EPN2: variants seen among roughly 807,000 people sequenced by gnomAD.
The protein encoded by EPN2 is epsin 2.
In EPN2, 34 loss-of-function variants were observed where a neutral mutation model predicts 61.7. The ratio of observed to expected loss-of-function variants is 0.55; its 90% CI spans 0.42 to 0.73. The LOEUF (loss-of-function observed/expected upper bound fraction) is 0.73. EPN2 is among the 30% of genes least tolerant of loss of function. The pLI, the probability that EPN2 is intolerant of heterozygous loss-of-function variation, is 0.00. For missense variants in EPN2, 714 were observed against 839.2 expected, an observed-to-expected ratio of 0.85 and a Z score of 1.84; for synonymous variants, 349 against 353.6, an observed-to-expected ratio of 0.99 and a Z score of 0.15.
chr17:19,245,151 G>T (rs1223611279), intron 1 of EPN2, among the ~76,000 whole-genome samples: 11 of 152,144 alleles, frequency 7.2e-5, no homozygotes, highest in African/African-American at 2.7e-4. Flanking sequence ...TCTCTGTCAG[G>T]TGGCCCTAAG....
chr17:19,325,868 AATT>A (rs1417081871), intron 7 of EPN2, among the ~76,000 whole-genome samples: 5 of 152,230 alleles, frequency 3.3e-5, no homozygotes, highest in African/African-American at 9.6e-5. Context: ...GAATTATTTG[AATT>A]ATTATTAGAA....
At chr17:19,289,822 G>T (rs2045445509) in intron 4 of EPN2, among the ~76,000 whole-genome samples, 1 of 147,414 alleles carries the variant, frequency 6.8e-6, no homozygotes, top group South Asian at 2.2e-4. Flanking sequence ...CGCCTAGCTG[G>T]CTTCAAGCTA....
At chr17:19,242,518 C>T (rs567875277) in intron 1 of EPN2, among the ~76,000 whole-genome samples, 4 of 152,340 alleles carry the variant, frequency 2.6e-5, no homozygotes, top group African/African-American at 7.2e-5. Context: ...TTCTGTGACT[C>T]ATTCCCCTAG....
Position 19,301,003 on chromosome 17 carries a change from G to T in EPN2, c.767-8882G>T, listed in dbSNP as rs535392134. On this transcript the variant is annotated intron_variant, in intron 4 of 10. Coordinates refer to ENST00000314728, the MANE Select transcript of EPN2 (RefSeq NM_014964.5). The stretch of plus-strand genomic sequence containing the variant: ...AGCTGATACTTAGGGATGAGGATGC[G>T]GTTCTCCTTCCCATTCGAGGACCAC... Among the ~76,000 whole-genome samples the T allele has an allele frequency of 1.7e-4, 26 of 152,282 alleles. No individual in the cohort carries two copies. In the South Asian group the frequency reaches 5.4e-3, roughly 32 times the overall value.
chr17:19,284,442 C>T (rs1038600880), intron 3 of EPN2, among the ~76,000 whole-genome samples: 1 of 152,164 alleles, frequency 6.6e-6, no homozygotes, highest in Non-Finnish European at 1.5e-5. Flanking sequence ...AAGTGGTCCC[C>T]CAACAGGTGT....
In EPN2 at chr17:19,239,231, T is replaced by G. The variant is rs373245883; in HGVS notation, c.-294+1700T>G. 1.3e-4 allele frequency among the ~76,000 whole-genome samples: 20 copies of G among 152,356 alleles called. No homozygotes were observed. The East Asian group carries it at 2.7e-3, about 21-fold the overall frequency. ...GGCACGATCTCGGCTCACCGAAACC[T>G]CCGCCTCCTGGGTTCAAGCGATTCT... On this transcript the variant is annotated intron_variant, in intron 1 of 10. Coordinates refer to ENST00000314728, the MANE Select transcript of EPN2 (RefSeq NM_014964.5).
chr17:19,319,954 G>T (rs1397911283), intron 7 of EPN2, among the ~76,000 whole-genome samples: 6 of 152,244 alleles, frequency 3.9e-5, no homozygotes, highest in Non-Finnish European at 7.3e-5. Flanking sequence ...ACCATGCCCA[G>T]CGACAGATTA....
At chr17:19,327,322 G>A (rs1296037420) in intron 7 of EPN2, among the ~76,000 whole-genome samples, 1 of 152,146 alleles carries the variant, frequency 6.6e-6, no homozygotes, top group Non-Finnish European at 1.5e-5. Context: ...AAAATGTGGA[G>A]TGAACAAAGC....
chr17:19,265,879 G>A (rs1315310692), intron 1 of EPN2, among the ~76,000 whole-genome samples: 1 of 152,082 alleles, frequency 6.6e-6, no homozygotes, highest in African/African-American at 2.4e-5. Context: ...GGGTGACTCC[G>A]TCCTCCTGGC....
intron 4 of EPN2, among the ~76,000 whole-genome samples, chr17:19,300,061 GT>G (rs1405773174): frequency 2.6e-5 from 4 of 152,210 alleles, no homozygotes; most frequent in African/African-American, 9.6e-5. Context: ...GCAGCTACAG[GT>G]GATCAGGGCT....
At chr17:19,239,448 G>A (rs1319141515) in intron 1 of EPN2, among the ~76,000 whole-genome samples, 4 of 152,166 alleles carry the variant, frequency 2.6e-5, no homozygotes, top group Non-Finnish European at 4.4e-5. Context: ...CAACACTCCC[G>A]GCCTAAATCT....
chr17:19,333,968 C>T lies in EPN2; in HGVS notation c.1640C>T (p.Thr547Ile). The change falls in exon 11 of 11, where the codon ACC becomes ATC. Residue 547 changes from threonine (T) to isoleucine (I), a missense_variant. Thr to Ile is a moderately conservative substitution (Grantham distance 89). This residue lies in a region of EPN2 where 410 missense variants were observed against 421.8 expected (regional missense o/e 0.97). Coordinates refer to ENST00000314728, the MANE Select transcript of EPN2 (RefSeq NM_014964.5). ...TCTGTCTCCCCAGGTGCTCCCGCCA[C>T]CTCGGCCCCTGTTAACCCTTTCCAG... ...NPFLAPGAPA[T>I]SAPVNPFQVN... 1 of 1,549,286 alleles carries T rather than the reference C, an allele frequency of 6.5e-7. No homozygotes were observed. Among genetic ancestry groups the T allele is most frequent in the Non-Finnish European group, 8.8e-7 (1 of 1,142,160 alleles).
chr17:19,279,073 T>C (rs946387024), intron 1 of EPN2, among the ~76,000 whole-genome samples: 1 of 152,248 alleles, frequency 6.6e-6, no homozygotes, highest in Non-Finnish European at 1.5e-5. Flanking sequence ...ATTATTTTAT[T>C]AGCTTTTTCC....
chr17:19,252,341 A>C (rs1160758057), intron 1 of EPN2, among the ~76,000 whole-genome samples: 2 of 152,174 alleles, frequency 1.3e-5, no homozygotes, highest in African/African-American at 2.4e-5. Context: ...CTGTCATTTT[A>C]TCTACAGAGT....
chr17:19,324,610 G>C (rs1288696925), intron 7 of EPN2, among the ~76,000 whole-genome samples: 1 of 152,182 alleles, frequency 6.6e-6, no homozygotes, highest in Non-Finnish European at 1.5e-5. Context: ...TGGGATTACA[G>C]GCATGAGCCA....
intron 7 of EPN2, among the ~76,000 whole-genome samples, chr17:19,328,341 C>A (rs1407894833): frequency 6.6e-6 from 1 of 152,118 alleles, no homozygotes; most frequent in Non-Finnish European, 1.5e-5. Flanking sequence ...AGCCTGGATT[C>A]TGTGGGGAGA....
intron 4 of EPN2, chr17:19,308,541 T>G: frequency 1.0e-6 from 1 of 984,952 alleles, no homozygotes; most frequent in Non-Finnish European, 1.2e-6. Context: ...AGGTGCAGAG[T>G]CTGACACAGC....
intron 4 of EPN2, among the ~76,000 whole-genome samples, chr17:19,286,365 A>C (rs2045405029): frequency 6.6e-6 from 1 of 152,150 alleles, no homozygotes; most frequent in South Asian, 2.1e-4. Flanking sequence ...TGTCAATTCT[A>C]GGTCACGGTG....
Position 19,334,118 on chromosome 17 carries a change from C to T in EPN2, c.1790C>T (p.Ala597Val). The T allele has an allele frequency of 1.9e-6, 3 of 1,607,618 alleles. No individual in the cohort carries two copies. The highest frequency in any genetic ancestry group is 2.5e-6 in the Non-Finnish European group (3 of 1,177,024). The change falls in exon 11 of 11, where the codon GCC (alanine) becomes GTC (valine). Residue 597 changes from alanine to valine, a missense_variant. Ala to Val is a moderately conservative substitution (Grantham distance 64). Transcript: ENST00000314728. This position sits in a 1 kb window ranked among gnomAD's most constrained non-coding sequence, Gnocchi z 4.9. The part of the protein sequence containing the change: ...SMAVASMTSA[A>V]PQPALGATGS... Reference sequence around the variant, plus strand: ...GCTGTGGCCTCGATGACCTCCGCGGCCCCACAGCCAGCTCTGGGGGCCACT... The same window carrying T: ...GCTGTGGCCTCGATGACCTCCGCGGTCCCACAGCCAGCTCTGGGGGCCACT...
Sources: gnomAD v4.1 joint callset for allele counts (sites outside exome capture counted in the v4.1 genomes callset) on GRCh38, gnomAD v4.1.1 for gene constraint, gnomAD v4.1.1 regional missense constraint, Gnocchi (gnomAD v3.1) non-coding constraint, MANE v1.5 for transcripts, NCBI Gene and HGNC (gene_info 2026-07-23, HGNC 2026-07-21) for gene names.